NKIRAS1: variants seen among roughly 807,000 people sequenced by gnomAD.
NKIRAS1 encodes NFKB inhibitor interacting Ras like 1.
Under a neutral mutation model 19.8 loss-of-function variants are expected in NKIRAS1, and 16 were observed. That is an observed-to-expected ratio of 0.81 (90% CI 0.55 to 1.23). NKIRAS1 has a LOEUF of 1.23. NKIRAS1 is among the 50% of genes most tolerant of loss of function. NKIRAS1 has a pLI of 0.00. For synonymous variants in NKIRAS1, 88 were observed against 79.0 expected (o/e 1.11, Z -0.61); for missense variants, 184 against 220.0 (o/e 0.84, Z 1.04).
intron 1 of NKIRAS1, among the ~76,000 whole-genome samples, chr3:23,929,646 T>C (rs1441903378): frequency 6.6e-6 from 1 of 152,014 alleles, no homozygotes; most frequent in Non-Finnish European, 1.5e-5. Flanking sequence ...CTCCCCATGT[T>C]GCCCAGGCTG....
intron 4 of NKIRAS1, among the ~76,000 whole-genome samples, chr3:23,898,895 G>T (rs1029658337): frequency 8.5e-5 from 13 of 152,192 alleles, no homozygotes; most frequent in African/African-American, 3.1e-4. Flanking sequence ...CACATCAGTG[G>T]CATGAGGTTC....
chr3:23,908,370 A>G (rs1373321771), intron 3 of NKIRAS1, among the ~76,000 whole-genome samples: 1 of 152,198 alleles, frequency 6.6e-6, no homozygotes, highest in African/African-American at 2.4e-5. Context: ...AAAAATACCC[A>G]TAATTACCTG....
intron 3 of NKIRAS1, among the ~76,000 whole-genome samples, chr3:23,903,161 T>TGAAGTTCAGTG (rs746989719): frequency 4.1e-4 from 63 of 152,352 alleles, no homozygotes; most frequent in Non-Finnish European, 7.9e-4. Context: ...TCATCTGGGC[T>TGAAGTTCAGTG]GAAGTTCAGT....
intron 4 of NKIRAS1, among the ~76,000 whole-genome samples, chr3:23,897,301 A>G (rs1702082728): frequency 6.6e-6 from 1 of 152,162 alleles, no homozygotes; most frequent in Admixed American, 6.5e-5. Flanking sequence ...CAAAACTAAT[A>G]AAGGGGTAAA....
intron 1 of NKIRAS1, chr3:23,916,437 T>C (rs75273262): frequency 2.0e-5 from 3 of 152,400 alleles, no homozygotes; most frequent in Non-Finnish European, 2.9e-5. Flanking sequence ...GTTCTCATGT[T>C]AGCAAATTTG....
intron 1 of NKIRAS1, among the ~76,000 whole-genome samples, chr3:23,943,179 C>T (rs996278429): frequency 6.6e-6 from 1 of 152,274 alleles, no homozygotes; most frequent in African/African-American, 2.4e-5. Context: ...ATTCATCCCT[C>T]CTTCCCCTCT....
intron 1 of NKIRAS1, chr3:23,916,284 G>A (rs1332379107): frequency 3.3e-5 from 5 of 152,024 alleles, no homozygotes; most frequent in Admixed American, 6.6e-5. Context: ...GAGAAACAAA[G>A]TAAGCCAGTA....
At chr3:23,895,773 G>A (rs1342180167) in intron 4 of NKIRAS1, among the ~76,000 whole-genome samples, 2 of 152,066 alleles carry the variant, frequency 1.3e-5, no homozygotes, top group East Asian at 3.9e-4. Flanking sequence ...ACAAGTTCCA[G>A]TATCTCCTCT....
rs1448590475 is a variant in NKIRAS1 at position 23,910,810 on chromosome 3, C to A, written c.94+1G>T. On this transcript the variant is annotated splice_donor_variant, in intron 3 of 4. Transcript: ENST00000425478. LOFTEE classifies it high-confidence loss of function. ...GACAAACTAGAGAAAAACAATCTTA[C>A]CAATAGTATGATTTCCATAAAGGAG... 1 of 1,607,938 alleles carries A rather than the reference C, an allele frequency of 6.2e-7. No homozygotes were observed. The highest frequency in any genetic ancestry group is 8.5e-7 in the Non-Finnish European group (1 of 1,174,538).
intron 1 of NKIRAS1, among the ~76,000 whole-genome samples, chr3:23,944,767 G>C (rs535269895): frequency 1.3e-5 from 2 of 151,966 alleles, no homozygotes; most frequent in Admixed American, 1.3e-4. Context: ...ATCACCTAGA[G>C]GGTGCAGAGG....
At position 23,891,866 on chromosome 3, in the gene NKIRAS1, A is replaced by AAGCTAGATTAATATTC. The variant is rs1347568663; in HGVS notation, c.*1213_*1228dup. 1.3e-5 allele frequency: 2 copies of AAGCTAGATTAATATTC among 152,212 alleles called. No homozygotes were observed. The highest frequency in any genetic ancestry group is 4.8e-5 in the African/African-American group (2 of 41,458). 9.4% of individuals were successfully genotyped at this position (152,212 alleles called of 1,614,324 possible). On this transcript the variant is annotated 3_prime_UTR_variant, in exon 5 of 5. Transcript: ENST00000425478. ...CATCTATGTAACATGCATGGGTGGG[A>AAGCTAGATTAATATTC]AGCTAGATTAATATTCAATAACCGG...
At chr3:23,928,530 A>G (rs958352941) in intron 1 of NKIRAS1, among the ~76,000 whole-genome samples, 3 of 151,920 alleles carry the variant, frequency 2.0e-5, no homozygotes, top group African/African-American at 7.3e-5. Context: ...TTTTTTTCCT[A>G]GAAACACTGT....
At chr3:23,920,543 A>G (rs1705020471), upstream of NKIRAS1, 1 of 985,186 alleles carries the variant, frequency 1.0e-6, no homozygotes, top group East Asian at 1.1e-4. Flanking sequence ...CTTCCAGGAG[A>G]CTAGACTACT....
At position 23,890,517 on chromosome 3, in the gene NKIRAS1, T is replaced by C; in HGVS notation, c.*2578A>G. ...ACATTCTTTTCTTCCAGCCGACCCC[T>C]TGGTGGGAAGTATTGCCACTCAGTA... On this transcript the variant is annotated 3_prime_UTR_variant, in exon 5 of 5. Coordinates refer to ENST00000425478, the MANE Select transcript of NKIRAS1 (RefSeq NM_020345.4). The C allele has an allele frequency of 6.2e-7, 1 of 1,611,768 alleles. No homozygotes were observed. The highest frequency in any genetic ancestry group is 8.5e-7 in the Non-Finnish European group (1 of 1,179,168).
chr3:23,892,900 A>T lies in NKIRAS1; in HGVS notation c.*195T>A. 2.5e-6 allele frequency: 1 copy of T among 405,810 alleles called. No individual in the cohort carries two copies. The highest frequency in any genetic ancestry group is 3.8e-5 in the East Asian group (1 of 26,140). 25.1% of individuals were successfully genotyped at this position (405,810 alleles called of 1,614,324 possible). On this transcript the variant is annotated 3_prime_UTR_variant, in exon 5 of 5. Transcript: ENST00000425478. ...CAAACAATGAGAATAAGAATATATTATTTCATATCAGGCAATAATAACCTT... is the reference window on the plus strand; with the variant it reads ...CAAACAATGAGAATAAGAATATATTTTTTCATATCAGGCAATAATAACCTT...
chr3:23,946,040 C>T (rs973778705), intron 1 of NKIRAS1: 40 of 937,502 alleles, frequency 4.3e-5, no homozygotes, highest in South Asian at 4.9e-5. Flanking sequence ...GGCGCGCGCG[C>T]GCGCGCTGGC....
chr3:23,901,506 T>C (rs1702518547), intron 3 of NKIRAS1, among the ~76,000 whole-genome samples: 1 of 152,164 alleles, frequency 6.6e-6, no homozygotes, highest in African/African-American at 2.4e-5. Context: ...TTTTAAAAAA[T>C]ATTTCTTCTG....
In NKIRAS1 at chr3:23,900,314, A is replaced by C. The variant is rs560244857; in HGVS notation, c.336+494T>G. 9.0e-4 allele frequency among the ~76,000 whole-genome samples: 137 copies of C among 152,298 alleles called. 1 individual carries two copies. The highest frequency in any genetic ancestry group is 2.8e-3 in the African/African-American group (117 of 41,572). ...TCAAATTCTGGTCCTAACTAAATTC[A>C]GTCAGACCTGTATTTCTTGGGTTAA... is the stretch of plus-strand genomic sequence containing the variant. On this transcript the variant is annotated intron_variant, in intron 4 of 4. Coordinates refer to ENST00000425478, the MANE Select transcript of NKIRAS1 (RefSeq NM_020345.4).
Position 23,916,845 on chromosome 3 carries a change from G to A in NKIRAS1, c.-201C>T, listed in dbSNP as rs1233698755. 1 of 152,824 alleles carries A rather than the reference G, an allele frequency of 6.5e-6. No homozygotes were observed. 9.5% of individuals were successfully genotyped at this position (152,824 alleles called of 1,614,324 possible). ...CCGCGGTACGCGGCCACCGGCTTTG[G>A]AGCCTGGACCCCAACTTGCCTCCTC... On this transcript the variant is annotated 5_prime_UTR_variant, in exon 1 of 5. Transcript: ENST00000425478.
Sources: gnomAD v4.1 joint callset for allele counts (sites outside exome capture counted in the v4.1 genomes callset) on GRCh38, gnomAD v4.1.1 for gene constraint, MANE v1.5 for transcripts, NCBI Gene and HGNC (gene_info 2026-07-23, HGNC 2026-07-21) for gene names.